Variants in PAM observed in about 807,000 individuals in gnomAD.
The protein encoded by PAM is peptidylglycine alpha-amidating monooxygenase.
Under a neutral mutation model 122.1 loss-of-function variants are expected in PAM, and 72 were observed. That is an observed-to-expected ratio of 0.59 (90% CI 0.49 to 0.72). The LOEUF is 0.72. Among genes scored for constraint, PAM ranks in the 30% least tolerant of loss-of-function variants. The probability of loss-of-function intolerance (pLI) is 0.00; values close to 1 mark genes in which losing one functional copy is unlikely to be tolerated. For missense variants in PAM, 1,106 were observed against 1,183.7 expected (o/e 0.93, Z 0.96); for synonymous variants, 389 against 404.4 (o/e 0.96, Z 0.46).
chr5:102,845,931 G>C (rs1360337193), intron 1 of PAM, among the ~76,000 whole-genome samples: 2 of 152,092 alleles, frequency 1.3e-5, no homozygotes, highest in East Asian at 3.9e-4. Flanking sequence ...TCATATACTA[G>C]CTCACATTTG....
chr5:102,815,483 A>G (rs760130740), intron 1 of PAM, among the ~76,000 whole-genome samples: 1 of 152,194 alleles, frequency 6.6e-6, no homozygotes, highest in Non-Finnish European at 1.5e-5. Flanking sequence ...TCAGCTAGCT[A>G]GAATCCAAGT....
At chr5:102,953,684 ATAAT>A (rs1759739287) in intron 12 of PAM, among the ~76,000 whole-genome samples, 1 of 152,308 alleles carries the variant, frequency 6.6e-6, no homozygotes, top group East Asian at 1.9e-4. Context: ...ATATTTCAAA[ATAAT>A]TAAGAGAGGA....
chr5:102,885,765 AT>A (rs1480152501), intron 3 of PAM, among the ~76,000 whole-genome samples: 1 of 151,984 alleles, frequency 6.6e-6, no homozygotes, highest in African/African-American at 2.4e-5. Context: ...TCTAACCTTT[AT>A]TTAATGGGCA....
At chr5:102,888,038 A>T (rs1581355427) in intron 3 of PAM, among the ~76,000 whole-genome samples, 2 of 152,038 alleles carry the variant, frequency 1.3e-5, no homozygotes, top group South Asian at 4.1e-4. Flanking sequence ...CACATTTGTT[A>T]GCATCGTTAT....
At chr5:102,905,557 G>A (rs1799278838) in intron 4 of PAM, among the ~76,000 whole-genome samples, 1 of 151,646 alleles carries the variant, frequency 6.6e-6, no homozygotes, top group South Asian at 2.1e-4. Context: ...TTTGAGAACT[G>A]CATGAACAAT....
intron 1 of PAM, among the ~76,000 whole-genome samples, chr5:102,780,858 TC>T (rs1159093709): frequency 7.4e-6 from 1 of 135,698 alleles, no homozygotes; most frequent in Non-Finnish European, 1.7e-5. Flanking sequence ...TCTCTCTCTC[TC>T]TTTCTTTCTT....
At chr5:103,007,913 C>T (rs1228278139) in intron 20 of PAM, among the ~76,000 whole-genome samples, 1 of 152,052 alleles carries the variant, frequency 6.6e-6, no homozygotes, top group African/African-American at 2.4e-5. Context: ...CATTGATTTT[C>T]ATTTTATCTT....
At chr5:102,893,935 C>A (rs1043022731) in intron 3 of PAM, among the ~76,000 whole-genome samples, 1 of 151,696 alleles carries the variant, frequency 6.6e-6, no homozygotes, top group African/African-American at 2.4e-5. Flanking sequence ...TCAAGCTCTT[C>A]GGTTTTTGTC....
chr5:102,864,953 C>G (rs1785115169), intron 1 of PAM, among the ~76,000 whole-genome samples: 1 of 152,142 alleles, frequency 6.6e-6, no homozygotes, highest in South Asian at 2.1e-4. Flanking sequence ...AAACGTTGAG[C>G]TGTAACATTA....
chr5:103,023,550 C>A (rs1157871996), intron 23 of PAM, among the ~76,000 whole-genome samples: 1 of 149,718 alleles, frequency 6.7e-6, no homozygotes, highest in African/African-American at 2.4e-5. Context: ...GAATAGAAAT[C>A]ACATCTGTAT....
At chr5:102,800,496 C>CT (rs1175299611) in intron 1 of PAM, among the ~76,000 whole-genome samples, 1 of 152,182 alleles carries the variant, frequency 6.6e-6, no homozygotes, top group African/African-American at 2.4e-5. Context: ...AAGTGTCATT[C>CT]TTTTTTCCTT....
At chr5:102,819,710 A>G (rs551068544) in intron 1 of PAM, among the ~76,000 whole-genome samples, 1 of 152,134 alleles carries the variant, frequency 6.6e-6, no homozygotes, top group Non-Finnish European at 1.5e-5. Flanking sequence ...GGCCAGTACT[A>G]TATATAGGGA....
At chr5:102,948,249 T>C in intron 8 of PAM, 129 bp from the exon 9 acceptor site, 1 of 546,866 alleles carries the variant, frequency 1.8e-6, no homozygotes, top group Admixed American at 3.3e-5. Context: ...AAATTTTTCC[T>C]CTTTTTCTAC....
At chr5:102,920,545 C>A (rs1747063448) in intron 5 of PAM, among the ~76,000 whole-genome samples, 1 of 152,008 alleles carries the variant, frequency 6.6e-6, no homozygotes, top group Non-Finnish European at 1.5e-5. Context: ...CATTGAAGTT[C>A]ACATAGGATT....
chr5:102,938,980 T>C (rs1754192428), intron 7 of PAM, among the ~76,000 whole-genome samples: 1 of 152,190 alleles, frequency 6.6e-6, no homozygotes, highest in Non-Finnish European at 1.5e-5. Flanking sequence ...TTAGAAGTGC[T>C]GGGATTTGCA....
At chr5:102,780,811 CTTTCTTTCTT>C (rs1758665979) in intron 1 of PAM, among the ~76,000 whole-genome samples, 1 of 139,510 alleles carries the variant, frequency 7.2e-6, no homozygotes, top group African/African-American at 2.7e-5. Context: ...TTCTTTCTTT[CTTTCTTTCTT>C]TCTTTCTTTC....
chr5:103,002,403 G>T (rs768623254), intron 16 of PAM, among the ~76,000 whole-genome samples: 11 of 151,934 alleles, frequency 7.2e-5, no homozygotes, highest in East Asian at 1.9e-4. Flanking sequence ...TGTTCATTTT[G>T]TAGTTATAGA....
intron 5 of PAM, among the ~76,000 whole-genome samples, chr5:102,922,454 TA>T (rs1747760764): frequency 6.6e-6 from 1 of 152,018 alleles, no homozygotes; most frequent in South Asian, 2.1e-4. Context: ...TTGGCAGGAT[TA>T]AAAAAGGGGG....
intron 12 of PAM, 59 bp from the exon 13 acceptor site, chr5:102,959,816 G>A: frequency 8.9e-7 from 1 of 1,128,066 alleles, no homozygotes. Flanking sequence ...CATTTTTCTT[G>A]CATTAAGCAT....
Sources: gnomAD v4.1 joint callset for allele counts (sites outside exome capture counted in the v4.1 genomes callset) on GRCh38, gnomAD v4.1.1 for gene constraint, MANE v1.5 for transcripts, NCBI Gene and HGNC (gene_info 2026-07-23, HGNC 2026-07-21) for gene names.